NAALADL2: variants seen among roughly 807,000 people sequenced by gnomAD.
NAALADL2 encodes inactive N-acetylated-alpha-linked acidic dipeptidase-like protein 2.
NAALADL2 carries 76 observed loss-of-function variants against 87.2 expected under a neutral mutation model. The observed-to-expected ratio is 0.87, with a 90% confidence interval of 0.72 to 1.05. The LOEUF is 1.05. Ranked by LOEUF, NAALADL2 falls within the 50% of genes least tolerant of loss-of-function variation. The pLI is 0.00. For synonymous variants in NAALADL2, 354 were observed against 331.0 expected (o/e 1.07, Z -0.75); for missense variants, 1,089 against 945.8 (o/e 1.15, Z -1.99).
intron 1 of NAALADL2, among the ~76,000 whole-genome samples, chr3:174,882,654 C>CATATACGCATATTTGCATATGCAT (rs982911445): frequency 7.6e-6 from 1 of 131,814 alleles, no homozygotes; most frequent in African/African-American, 3.8e-5. Flanking sequence ...TGCATATACA[C>CATATACGCATATTTGCATATGCAT]ATATGTGCAT....
intron 2 of NAALADL2, among the ~76,000 whole-genome samples, chr3:175,148,091 GATAATAATAATAATA>G (rs777779002): frequency 9.9e-5 from 11 of 110,744 alleles, no homozygotes; most frequent in Non-Finnish European, 1.7e-4. Context: ...TAATGATAAT[GATAATAATAATAATA>G]ATAATAATAA....
At chr3:175,265,177 A>G (rs1751713001) in intron 4 of NAALADL2, among the ~76,000 whole-genome samples, 1 of 151,632 alleles carries the variant, frequency 6.6e-6, no homozygotes, top group Non-Finnish European at 1.5e-5. Context: ...AAATGGTAGA[A>G]CCCCTGCTCT....
chr3:175,037,731 G>C (rs1274544807), intron 1 of NAALADL2, among the ~76,000 whole-genome samples: 1 of 152,094 alleles, frequency 6.6e-6, no homozygotes, highest in Non-Finnish European at 1.5e-5. Flanking sequence ...ATCATTTCCA[G>C]TTAGACTGCA....
At chr3:174,487,129 G>A (rs1376901529) in intron 1 of NAALADL2, among the ~76,000 whole-genome samples, 2 of 151,984 alleles carry the variant, frequency 1.3e-5, no homozygotes, top group Non-Finnish European at 2.9e-5. Context: ...GACAAAATCA[G>A]TATGTAATAG....
intron 9 of NAALADL2, among the ~76,000 whole-genome samples, chr3:175,536,470 A>T (rs1734829427): frequency 6.6e-6 from 1 of 152,110 alleles, no homozygotes; most frequent in Non-Finnish European, 1.5e-5. Context: ...TTGCTAGCCT[A>T]ATTTTATAAT....
At chr3:174,499,058 TCTGA>T (rs527551332) in intron 1 of NAALADL2, among the ~76,000 whole-genome samples, 52 of 152,126 alleles carry the variant, frequency 3.4e-4, no homozygotes, top group Non-Finnish European at 6.0e-4. Context: ...ATTGTTAATC[TCTGA>T]CTGTGTCTAA....
At chr3:175,335,479 C>T (rs1761882720) in intron 5 of NAALADL2, among the ~76,000 whole-genome samples, 3 of 152,164 alleles carry the variant, frequency 2.0e-5, no homozygotes, top group Non-Finnish European at 2.9e-5. Flanking sequence ...ACAAAGCAGA[C>T]TCTAAGAACC....
intron 1 of NAALADL2, among the ~76,000 whole-genome samples, chr3:174,957,099 A>ACTC (rs1741254389): frequency 6.6e-6 from 1 of 151,942 alleles, no homozygotes; most frequent in South Asian, 2.1e-4. Context: ...TTGTTCCCTG[A>ACTC]TAGAGTCAGT....
chr3:175,154,295 C>T lies in NAALADL2; in HGVS notation c.545+57004C>T, dbSNP rs372265968. 2.7e-4 allele frequency among the ~76,000 whole-genome samples: 41 copies of T among 152,086 alleles called. 1 individual carries two copies. The South Asian group carries it at 2.7e-3, about 10-fold the overall frequency. On this transcript the variant is annotated intron_variant, in intron 2 of 13. Transcript: ENST00000454872. ...TCCTACTGGACTATGAAGATTGAGCCGATTAATTATAAGCATAATAATATG... is the reference window on the plus strand; with the variant it reads ...TCCTACTGGACTATGAAGATTGAGCTGATTAATTATAAGCATAATAATATG...
intron 1 of NAALADL2, among the ~76,000 whole-genome samples, chr3:174,522,079 A>G (rs1347573476): frequency 6.6e-6 from 1 of 152,172 alleles, no homozygotes; most frequent in Admixed American, 6.5e-5. Flanking sequence ...AGCCTGGGCA[A>G]CAGAGTGAGA....
intron 9 of NAALADL2, among the ~76,000 whole-genome samples, chr3:175,571,395 T>G (rs1443034587): frequency 6.6e-6 from 1 of 152,176 alleles, no homozygotes; most frequent in African/African-American, 2.4e-5. Flanking sequence ...TTGGATGAAA[T>G]TCTTAACATG....
At chr3:175,650,276 A>T (rs530448839) in intron 11 of NAALADL2, among the ~76,000 whole-genome samples, 2 of 152,324 alleles carry the variant, frequency 1.3e-5, no homozygotes, top group South Asian at 4.1e-4. Flanking sequence ...ACAAATTTAT[A>T]GAGACAGAAA....
At chr3:174,860,651 T>C (rs1327737283) in intron 1 of NAALADL2, among the ~76,000 whole-genome samples, 1 of 152,126 alleles carries the variant, frequency 6.6e-6, no homozygotes, top group African/African-American at 2.4e-5. Context: ...ACCACCTAAA[T>C]AGCCTATTCT....
chr3:175,459,617 A>C (rs1581974918), intron 6 of NAALADL2, among the ~76,000 whole-genome samples: 1 of 152,156 alleles, frequency 6.6e-6, no homozygotes, highest in African/African-American at 2.4e-5. Flanking sequence ...ACAAAGAGAA[A>C]AATTCTAAAA....
intron 10 of NAALADL2, among the ~76,000 whole-genome samples, chr3:175,599,981 C>A (rs987522426): frequency 6.6e-5 from 10 of 151,802 alleles, no homozygotes; most frequent in African/African-American, 2.4e-4. Context: ...TCCCACAGTT[C>A]CTAATATTGA....
chr3:174,552,551 T>A (rs1045527594), intron 2 of NAALADL2, among the ~76,000 whole-genome samples: 2 of 151,990 alleles, frequency 1.3e-5, no homozygotes, highest in East Asian at 3.9e-4. Flanking sequence ...TCTCAGCACT[T>A]TGGGAGGCTG....
At chr3:175,128,703 C>A (rs868735329) in intron 2 of NAALADL2, among the ~76,000 whole-genome samples, 12 of 152,168 alleles carry the variant, frequency 7.9e-5, no homozygotes, top group Admixed American at 2.0e-4. Flanking sequence ...CCAGTGCATT[C>A]TTTTCATTTC....
chr3:174,522,210 C>A (rs2108415437), intron 1 of NAALADL2, among the ~76,000 whole-genome samples: 1 of 152,260 alleles, frequency 6.6e-6, no homozygotes, highest in South Asian at 2.1e-4. Flanking sequence ...ATTAACATAG[C>A]CAAAAATTGA....
chr3:175,625,307 T>C (rs1726829997), intron 10 of NAALADL2, among the ~76,000 whole-genome samples: 1 of 152,140 alleles, frequency 6.6e-6, no homozygotes, highest in African/African-American at 2.4e-5. Context: ...TGTTATTACC[T>C]TTTTCCTCTG....
Sources: gnomAD v4.1 joint callset for allele counts (sites outside exome capture counted in the v4.1 genomes callset) on GRCh38, gnomAD v4.1.1 for gene constraint, MANE v1.5 for transcripts, NCBI Gene and HGNC (gene_info 2026-07-23, HGNC 2026-07-21) for gene names.